Variants in TNIK observed in about 807,000 individuals in gnomAD.
The protein encoded by TNIK is TRAF2 and NCK-interacting protein kinase.
TNIK carries 49 observed loss-of-function variants against 191.3 expected under a neutral mutation model. That is an observed-to-expected ratio of 0.26 (90% confidence interval 0.20 to 0.32). The LOEUF is 0.32. TNIK is among the 10% of genes least tolerant of loss of function. The pLI is 1.00. For synonymous variants in TNIK, 594 were observed against 600.9 expected (o/e 0.99, Z 0.17); for missense variants, 1,155 against 1,702.3 (o/e 0.68, Z 5.66).
chr3:171,396,205 A>G (rs939927943), intron 1 of TNIK, among the ~76,000 whole-genome samples: 3 of 152,132 alleles, frequency 2.0e-5, no homozygotes, highest in East Asian at 1.9e-4. Context: ...AAATCATACA[A>G]TATGTGACCT....
At chr3:171,090,743 G>T (rs1721957178) in intron 23 of TNIK, among the ~76,000 whole-genome samples, 1 of 152,148 alleles carries the variant, frequency 6.6e-6, no homozygotes, top group Non-Finnish European at 1.5e-5. Context: ...TTCTAGAACC[G>T]AGTAAAAAGT....
At chr3:171,093,395 CAAGAT>C (rs1391926513) in intron 23 of TNIK, among the ~76,000 whole-genome samples, 5 of 152,068 alleles carry the variant, frequency 3.3e-5, no homozygotes, top group African/African-American at 1.2e-4. Flanking sequence ...GTTAATTTAA[CAAGAT>C]AAGATGATAT....
At chr3:171,446,526 A>G (rs1239822298) in intron 1 of TNIK, among the ~76,000 whole-genome samples, 1 of 152,234 alleles carries the variant, frequency 6.6e-6, no homozygotes, top group African/African-American at 2.4e-5. Flanking sequence ...ACCAACTACC[A>G]TAAAGTTGTG....
At chr3:171,066,839 G>A in intron 30 of TNIK, 104 bp from the exon 31 acceptor site, 2 of 1,376,654 alleles carry the variant, frequency 1.5e-6, no homozygotes, top group Non-Finnish European at 1.9e-6. Flanking sequence ...TATTTTCATT[G>A]TCACCCTAAA....
chr3:171,150,320 T>A (rs574410378), intron 12 of TNIK, among the ~76,000 whole-genome samples: 1 of 152,200 alleles, frequency 6.6e-6, no homozygotes, highest in South Asian at 2.1e-4. Flanking sequence ...AACTGAGACA[T>A]AGAGAAGTCA....
At chr3:171,160,981 A>C (rs1733910712) in intron 11 of TNIK, among the ~76,000 whole-genome samples, 1 of 152,212 alleles carries the variant, frequency 6.6e-6, no homozygotes, top group Admixed American at 6.5e-5. Flanking sequence ...TGCCCAGATA[A>C]TTAGCCTTCT....
intron 2 of TNIK, among the ~76,000 whole-genome samples, chr3:171,282,596 G>A (rs1288306396): frequency 1.3e-5 from 2 of 151,870 alleles, no homozygotes; most frequent in Non-Finnish European, 2.9e-5. Flanking sequence ...CACCTGCCTC[G>A]GCCTCCCAAA....
chr3:171,228,843 G>C (rs989880538), intron 2 of TNIK, among the ~76,000 whole-genome samples: 5 of 152,168 alleles, frequency 3.3e-5, no homozygotes, highest in African/African-American at 1.2e-4. Flanking sequence ...AATCAGAAAC[G>C]AGTAGGGAGC....
intron 1 of TNIK, among the ~76,000 whole-genome samples, chr3:171,421,879 G>C (rs571883304): frequency 6.6e-6 from 1 of 151,642 alleles, no homozygotes. Flanking sequence ...CTACAGGTGC[G>C]TGACATCAAG....
chr3:171,063,776 A>C lies in TNIK; in HGVS notation c.*105T>G, dbSNP rs1268679939. 6.9e-6 allele frequency: 8 copies of C among 1,155,918 alleles called. No homozygotes were observed. The highest frequency in any genetic ancestry group is 9.9e-6 in the Non-Finnish European group (8 of 808,214). 71.6% of individuals were successfully genotyped at this position (1,155,918 alleles called of 1,614,324 possible). On this transcript the variant is annotated 3_prime_UTR_variant, in exon 33 of 33. Transcript: ENST00000436636. ...AGGAAAAAGGGAAAGCGATATGTTC[A>C]ACCAAGCCTTCTGATTCTGCCTCTA...
chr3:171,215,266 C>T (rs1000083494), intron 3 of TNIK, among the ~76,000 whole-genome samples: 25 of 152,090 alleles, frequency 1.6e-4, no homozygotes, highest in African/African-American at 5.8e-4. Flanking sequence ...GCTTTTAAGC[C>T]ACTGACCACC....
intron 2 of TNIK, chr3:171,347,103 C>A: frequency 1.3e-6 from 2 of 1,501,946 alleles, no homozygotes; most frequent in South Asian, 1.3e-5. Context: ...AATCAGGAAC[C>A]ATTTAGGAAA....
intron 11 of TNIK, among the ~76,000 whole-genome samples, chr3:171,160,153 G>C (rs1407738424): frequency 6.6e-6 from 1 of 152,146 alleles, no homozygotes; most frequent in African/African-American, 2.4e-5. Context: ...CTAAACCGGG[G>C]ACGGCCAACA....
intron 10 of TNIK, among the ~76,000 whole-genome samples, chr3:171,164,671 T>C (rs1734393361): frequency 6.6e-6 from 1 of 152,206 alleles, no homozygotes; most frequent in Non-Finnish European, 1.5e-5. Context: ...AAAATGTCCT[T>C]TTGAGAGAAG....
At chr3:171,270,224 G>T (rs1361635538) in intron 2 of TNIK, among the ~76,000 whole-genome samples, 1 of 152,152 alleles carries the variant, frequency 6.6e-6, no homozygotes, top group African/African-American at 2.4e-5. Context: ...TTCCTTAAGG[G>T]CTGGGGGCAA....
chr3:171,207,687 CAG>C (rs1740271649), intron 4 of TNIK, among the ~76,000 whole-genome samples: 1 of 152,122 alleles, frequency 6.6e-6, no homozygotes, highest in South Asian at 2.1e-4. Context: ...TCTGGCAATT[CAG>C]AGTCACTGCT....
At chr3:171,167,398 T>C in intron 9 of TNIK, 128 bp from the exon 10 acceptor site, 1 of 1,146,162 alleles carries the variant, frequency 8.7e-7, no homozygotes. Context: ...GATCATCCAC[T>C]AATCAGAAAA....
rs142746464 is a variant in TNIK, at chr3:171,395,991, A to G, written c.58-26306T>C. On this transcript the variant is annotated intron_variant, in intron 1 of 32. Coordinates refer to ENST00000436636, the MANE Select transcript of TNIK (RefSeq NM_015028.4). ...TCATCCAATCAAAGTTTACAAGTCA[A>G]TGGTTTTTAGTGTATTCTCAGATAT... Among the ~76,000 whole-genome samples, 595 of 152,276 alleles carry G rather than the reference A, an allele frequency of 3.9e-3. 2 individuals are homozygous for G. The highest frequency in any genetic ancestry group is 6.0e-3 in the Non-Finnish European group (409 of 68,016).
chr3:171,205,863 G>A (rs187401120), intron 4 of TNIK, among the ~76,000 whole-genome samples: 4 of 152,240 alleles, frequency 2.6e-5, no homozygotes, highest in Admixed American at 2.6e-4. Flanking sequence ...AGCTCTCTGG[G>A]TTCTTTTTAT....
Sources: gnomAD v4.1 joint callset for allele counts (sites outside exome capture counted in the v4.1 genomes callset) on GRCh38, gnomAD v4.1.1 for gene constraint, MANE v1.5 for transcripts, NCBI Gene and HGNC (gene_info 2026-07-23, HGNC 2026-07-21) for gene names.